The following SUCLG2 variants were observed in gnomAD, a reference collection of about 807,000 sequenced individuals.
SUCLG2 encodes the protein succinate--CoA ligase [GDP-forming] subunit beta, mitochondrial.
SUCLG2 carries 42 observed loss-of-function variants against 47.9 expected under a neutral mutation model. The observed-to-expected ratio is 0.88, with a 90% CI of 0.69 to 1.14. The LOEUF (loss-of-function observed/expected upper bound fraction) is 1.14, where lower values mean the gene tolerates loss of function less well. SUCLG2 is among the 50% of genes most tolerant of loss of function. SUCLG2 has a pLI of 0.00. For synonymous variants in SUCLG2, 195 were observed against 197.3 expected, an observed-to-expected ratio of 0.99 and a Z score of 0.10; for missense variants, 571 against 525.9, an observed-to-expected ratio of 1.09 and a Z score of -0.84.
At chr3:67,633,600 G>C (rs1700961675) in intron 1 of SUCLG2, among the ~76,000 whole-genome samples, 1 of 152,204 alleles carries the variant, frequency 6.6e-6, no homozygotes, top group Non-Finnish European at 1.5e-5. Context: ...TGAAATGCCA[G>C]GAAAATACCT....
intron 9 of SUCLG2, among the ~76,000 whole-genome samples, chr3:67,430,300 T>A (rs1483200485): frequency 6.6e-6 from 1 of 152,096 alleles, no homozygotes; most frequent in Admixed American, 6.5e-5. Flanking sequence ...AGAAACTCAC[T>A]CAAAACCGCT....
At chr3:67,418,087 A>G (rs1468012023) in intron 9 of SUCLG2, among the ~76,000 whole-genome samples, 1 of 152,154 alleles carries the variant, frequency 6.6e-6, no homozygotes, top group Non-Finnish European at 1.5e-5. Context: ...CTGCAACAAA[A>G]GCACTGGCTC....
At chr3:67,524,254 C>A (rs1361785819) in intron 4 of SUCLG2, among the ~76,000 whole-genome samples, 1 of 152,184 alleles carries the variant, frequency 6.6e-6, no homozygotes, top group Non-Finnish European at 1.5e-5. Flanking sequence ...TATGTTGACA[C>A]ATCGTCTTTG....
At chr3:67,492,488 A>G (rs73088915) in intron 9 of SUCLG2, among the ~76,000 whole-genome samples, 4,554 of 152,272 alleles carry the variant, frequency 0.03, 95 homozygotes, top group African/African-American at 0.061. Context: ...TTAACAGAAA[A>G]CCACAAAACC....
intron 9 of SUCLG2, among the ~76,000 whole-genome samples, chr3:67,412,693 T>C (rs1702955532): frequency 6.6e-6 from 1 of 152,200 alleles, no homozygotes; most frequent in Non-Finnish European, 1.5e-5. Context: ...TATTCTCTTC[T>C]GGTCAAGTAG....
At chr3:67,442,794 A>G (rs112734876) in intron 9 of SUCLG2, among the ~76,000 whole-genome samples, 48 of 152,330 alleles carry the variant, frequency 3.2e-4, no homozygotes, top group African/African-American at 1.1e-3. Flanking sequence ...AATGCTAAAC[A>G]TATTTATTCA....
At chr3:67,567,944 T>C (rs1011096588) in intron 2 of SUCLG2, among the ~76,000 whole-genome samples, 4 of 152,222 alleles carry the variant, frequency 2.6e-5, no homozygotes, top group Admixed American at 2.0e-4. Context: ...ATGACAACGC[T>C]GTTAGCCGCC....
intron 9 of SUCLG2, among the ~76,000 whole-genome samples, chr3:67,428,091 T>C (rs760734903): frequency 5.3e-5 from 8 of 152,056 alleles, no homozygotes. Flanking sequence ...TAAACATCCC[T>C]AGTGGTTCTC....
chr3:67,646,224 C>T (rs932408090), intron 1 of SUCLG2, among the ~76,000 whole-genome samples: 1 of 152,134 alleles, frequency 6.6e-6, no homozygotes, highest in African/African-American at 2.4e-5. Flanking sequence ...GGTGCTGTTC[C>T]TCTCCACAGG....
chr3:67,522,356 A>G (rs185557892), intron 4 of SUCLG2, among the ~76,000 whole-genome samples: 2 of 151,974 alleles, frequency 1.3e-5, no homozygotes, highest in Non-Finnish European at 1.5e-5. Flanking sequence ...GCTGACAGAC[A>G]TTTACATGAA....
chr3:67,599,759 T>G (rs1208805257), intron 2 of SUCLG2, among the ~76,000 whole-genome samples: 2 of 151,870 alleles, frequency 1.3e-5, no homozygotes, highest in African/African-American at 4.8e-5. Context: ...TCACATTTAA[T>G]TTGAGAGAAA....
chr3:67,386,140 G>A (rs1481336002), intron 10 of SUCLG2, among the ~76,000 whole-genome samples: 2 of 152,178 alleles, frequency 1.3e-5, no homozygotes, highest in Admixed American at 1.3e-4. Flanking sequence ...CCAGACTGGA[G>A]TGCAGTGGCG....
intron 6 of SUCLG2, among the ~76,000 whole-genome samples, chr3:67,513,626 C>G (rs1453820370): frequency 1.3e-5 from 2 of 152,118 alleles, no homozygotes; most frequent in African/African-American, 4.8e-5. Flanking sequence ...GATTAGTATT[C>G]CCACTTTCTA....
chr3:67,482,437 T>C (rs1429787479), intron 9 of SUCLG2, among the ~76,000 whole-genome samples: 1 of 151,664 alleles, frequency 6.6e-6, no homozygotes, highest in East Asian at 1.9e-4. Context: ...AATTTGTTCT[T>C]TCAGTATAAG....
At chr3:67,438,632 T>A (rs1333737970) in intron 9 of SUCLG2, among the ~76,000 whole-genome samples, 1 of 151,594 alleles carries the variant, frequency 6.6e-6, no homozygotes, top group Non-Finnish European at 1.5e-5. Flanking sequence ...AACTAGAAAA[T>A]CTAGAAGAAA....
chr3:67,587,686 A>T (rs1708059929), intron 2 of SUCLG2, among the ~76,000 whole-genome samples: 1 of 152,238 alleles, frequency 6.6e-6, no homozygotes, highest in African/African-American at 2.4e-5. Flanking sequence ...AAGAAAAAAA[A>T]TAAGTTTTTT....
At chr3:67,573,814 T>C (rs1707678962) in intron 2 of SUCLG2, among the ~76,000 whole-genome samples, 1 of 152,132 alleles carries the variant, frequency 6.6e-6, no homozygotes, top group Non-Finnish European at 1.5e-5. Flanking sequence ...AACCCTGTCT[T>C]ACTCACCATT....
rs556553714 is a variant in SUCLG2 at position 67,398,613 on chromosome 3, C to A, written c.1183+2118G>T. Among the ~76,000 whole-genome samples, 39 of 152,056 alleles carry A rather than the reference C, an allele frequency of 2.6e-4. 1 individual carries two copies. The East Asian group carries it at 6.3e-3, about 24-fold the overall frequency. The stretch of plus-strand genomic sequence containing the variant: ...TCAACCATTGTGGAAGTCAGTATGG[C>A]GATTCCTCAGGGATCTAGAACTAGA... On this transcript the variant is annotated intron_variant, in intron 10 of 10. Transcript: ENST00000307227.
chr3:67,407,771 T>C (rs114792012), intron 9 of SUCLG2, among the ~76,000 whole-genome samples: 2,823 of 152,308 alleles, frequency 0.019, 102 homozygotes, highest in African/African-American at 0.064. Context: ...AAGGACTTTT[T>C]TAAAAAAATC....
Sources: allele counts gnomAD v4.1 joint callset (sites outside exome capture counted in the v4.1 genomes callset), GRCh38; gene constraint gnomAD v4.1.1; transcripts MANE v1.5; gene names NCBI Gene and HGNC (gene_info 2026-07-23, HGNC 2026-07-21).